RASA2: variants seen among roughly 807,000 people sequenced by gnomAD.
RASA2 encodes the protein ras GTPase-activating protein 2.
In RASA2, 155 loss-of-function variants were observed where a neutral mutation model predicts 118.2. The ratio of observed to expected loss-of-function variants is 1.31; its 90% CI spans 1.15 to 1.50. RASA2 has a LOEUF of 1.50. RASA2 is among the 40% of genes most tolerant of loss of function. The pLI, the probability that RASA2 is intolerant of heterozygous loss-of-function variation, is 0.00. For synonymous variants in RASA2, 353 were observed against 349.1 expected, an observed-to-expected ratio of 1.01 and a Z score of -0.12; for missense variants, 1,016 against 1,009.6, an observed-to-expected ratio of 1.01 and a Z score of -0.09.
chr3:141,610,359 A>T (rs2083620987), intron 23 of RASA2, among the ~76,000 whole-genome samples: 1 of 122,562 alleles, frequency 8.2e-6, no homozygotes, highest in Non-Finnish European at 1.6e-5. Context: ...TTATATTTAT[A>T]TATTATATAT....
intron 4 of RASA2, among the ~76,000 whole-genome samples, chr3:141,538,303 ACAC>A (rs901089279): frequency 1.3e-5 from 2 of 152,218 alleles, no homozygotes; most frequent in African/African-American, 4.8e-5. Context: ...ACTAAGAACA[ACAC>A]AGTAGTAGTA....
Position 141,555,873 on chromosome 3 carries a change from A to G in RASA2, c.645A>G (p.Lys215=), listed in dbSNP as rs748313170. ...AAAAGAAGACAAAAGTAAAGAAGAA[A>G]ACAAGCAATCCGCAGTTTAATGAAA... ...NDQKKTKVKK[K]TSNPQFNEIF... Residue 215 remains lysine, a synonymous_variant, in exon 7 of 24, where the codon AAA becomes AAG. Coordinates refer to ENST00000286364, the MANE Select transcript of RASA2 (RefSeq NM_006506.5). 2 of 1,612,798 alleles carry G rather than the reference A, an allele frequency of 1.2e-6. No homozygotes were observed. Among genetic ancestry groups the G allele is most frequent in the Non-Finnish European group, 1.7e-6 (2 of 1,179,444 alleles).
intron 5 of RASA2, among the ~76,000 whole-genome samples, chr3:141,545,355 C>T (rs1003800776): frequency 6.6e-6 from 1 of 151,836 alleles, no homozygotes; most frequent in Non-Finnish European, 1.5e-5. Context: ...GCATCTGCTT[C>T]TGGGGAGGCC....
intron 3 of RASA2, chr3:141,525,901 T>G (rs1383833377): frequency 6.6e-6 from 1 of 152,124 alleles, no homozygotes; most frequent in Non-Finnish European, 1.5e-5. Flanking sequence ...AAAAGGGTTT[T>G]TAAGATCATT....
intron 3 of RASA2, among the ~76,000 whole-genome samples, chr3:141,522,151 T>G (rs147014205): frequency 4.6e-5 from 7 of 152,266 alleles, no homozygotes; most frequent in African/African-American, 1.7e-4. Context: ...TATTTCACAT[T>G]TATTCTCATT....
chr3:141,606,841 A>G (rs181067155), intron 19 of RASA2, among the ~76,000 whole-genome samples: 4 of 152,308 alleles, frequency 2.6e-5, no homozygotes, highest in Admixed American at 2.6e-4. Flanking sequence ...TTCAATCTAT[A>G]TGTCATTCAA....
At chr3:141,519,285 A>G (rs2082075661) in intron 3 of RASA2, among the ~76,000 whole-genome samples, 1 of 152,208 alleles carries the variant, frequency 6.6e-6, no homozygotes, top group Non-Finnish European at 1.5e-5. Context: ...TTATCATTGA[A>G]AAAAATTTGC....
At chr3:141,506,109 G>A (rs1005097658) in intron 1 of RASA2, among the ~76,000 whole-genome samples, 13 of 152,202 alleles carry the variant, frequency 8.5e-5, no homozygotes, top group African/African-American at 2.4e-4. Context: ...GTTGTAAGTC[G>A]TAATGTACAC....
intron 2 of RASA2, among the ~76,000 whole-genome samples, chr3:141,515,162 A>C (rs2082004706): frequency 1.3e-5 from 2 of 152,232 alleles, no homozygotes; most frequent in Non-Finnish European, 2.9e-5. Flanking sequence ...AATAAAACTG[A>C]TTTAAAAATA....
intron 4 of RASA2, among the ~76,000 whole-genome samples, chr3:141,537,758 G>C (rs1337529353): frequency 6.6e-6 from 1 of 152,088 alleles, no homozygotes; most frequent in Admixed American, 6.6e-5. Context: ...GACAGAGCTA[G>C]ACTCTGTCTC....
At chr3:141,584,341 AAAAAAAAAAAAAAAG>A (rs1013931951) in intron 17 of RASA2, among the ~76,000 whole-genome samples, 2 of 147,158 alleles carry the variant, frequency 1.4e-5, no homozygotes, top group African/African-American at 5.3e-5. Flanking sequence ...AAAAAAAAAA[AAAAAAAAAAAAAAAG>A]AAAGGAAAAA....
chr3:141,535,165 A>G lies in RASA2; in HGVS notation c.450+5363A>G, dbSNP rs544409325. Among the ~76,000 whole-genome samples the G allele has an allele frequency of 1.1e-4, 17 of 152,296 alleles. No homozygotes were observed. The South Asian group carries it at 3.5e-3, about 32-fold the overall frequency. On this transcript the variant is annotated intron_variant, in intron 4 of 23. Transcript: ENST00000286364. ...TTCTCTATGACAGCCTTTTTTAGCA[A>G]TAACATATTTTTAAATTAAAATATG...
chr3:141,524,513 CTGTT>C (rs1486593448), intron 3 of RASA2, among the ~76,000 whole-genome samples: 1 of 152,102 alleles, frequency 6.6e-6, no homozygotes, highest in Non-Finnish European at 1.5e-5. Flanking sequence ...CTGCTGTTGA[CTGTT>C]TGCCAGGATT....
At chr3:141,511,149 G>A (rs1203641037) in intron 1 of RASA2, among the ~76,000 whole-genome samples, 4 of 152,150 alleles carry the variant, frequency 2.6e-5, no homozygotes, top group Non-Finnish European at 5.9e-5. Context: ...GGAAATAGAG[G>A]ATGGTGAGAG....
At chr3:141,549,882 A>G (rs552573284) in intron 5 of RASA2, among the ~76,000 whole-genome samples, 35 of 152,320 alleles carry the variant, frequency 2.3e-4, no homozygotes, top group African/African-American at 7.9e-4. Context: ...ATTGAAGCCA[A>G]TGTAAAGGGA....
intron 19 of RASA2, among the ~76,000 whole-genome samples, chr3:141,607,027 T>G (rs2083559575): frequency 6.6e-6 from 1 of 152,210 alleles, no homozygotes; most frequent in Admixed American, 6.5e-5. Context: ...CATGTTATTA[T>G]GGAGCTCCTT....
At chr3:141,532,196 C>T (rs763234832) in intron 4 of RASA2, among the ~76,000 whole-genome samples, 1 of 152,096 alleles carries the variant, frequency 6.6e-6, no homozygotes, top group Non-Finnish European at 1.5e-5. Flanking sequence ...TAAATGTCTT[C>T]TCCAGAGTCA....
At chr3:141,542,677 T>G (rs529854513) in intron 5 of RASA2, among the ~76,000 whole-genome samples, 1 of 152,166 alleles carries the variant, frequency 6.6e-6, no homozygotes, top group Admixed American at 6.6e-5. Context: ...TATATAGTTA[T>G]AGATCATTTT....
At chr3:141,610,180 G>C in intron 23 of RASA2, 114 bp downstream of exon 23, 1 of 859,672 alleles carries the variant, frequency 1.2e-6, no homozygotes, top group Non-Finnish European at 1.7e-6. Flanking sequence ...CCCGCTCAGG[G>C]CCATTCTCTG....
Sources: gnomAD v4.1 joint callset for allele counts (sites outside exome capture counted in the v4.1 genomes callset) on GRCh38, gnomAD v4.1.1 for gene constraint, MANE v1.5 for transcripts, NCBI Gene and HGNC (gene_info 2026-07-23, HGNC 2026-07-21) for gene names.